Variants in SGCZ observed in about 807,000 individuals in gnomAD.
The protein encoded by SGCZ is sarcoglycan zeta.
Under a neutral mutation model 41.3 loss-of-function variants are expected in SGCZ, and 40 were observed. The ratio of observed to expected loss-of-function variants is 0.97; its 90% CI spans 0.75 to 1.26. SGCZ has a LOEUF of 1.26. SGCZ is among the 50% of genes most tolerant of loss of function. The probability of loss-of-function intolerance (pLI) is 0.00; values close to 1 mark genes in which losing one functional copy is unlikely to be tolerated. For missense variants in SGCZ, 552 were observed against 369.8 expected (o/e 1.49, Z -4.04); for synonymous variants, 206 against 137.5 (o/e 1.50, Z -3.49).
chr8:14,800,022 C>G (rs1210926317), intron 1 of SGCZ, among the ~76,000 whole-genome samples: 2 of 152,158 alleles, frequency 1.3e-5, no homozygotes, highest in African/African-American at 4.8e-5. Context: ...AATTGGTAAA[C>G]CACTGTTTTG....
At chr8:15,129,578 A>G (rs940357072) in intron 1 of SGCZ, among the ~76,000 whole-genome samples, 1 of 152,050 alleles carries the variant, frequency 6.6e-6, no homozygotes, top group Non-Finnish European at 1.5e-5. Flanking sequence ...AGCACTGGAA[A>G]ATGTTTCTTA....
At chr8:15,093,102 T>C (rs1201333020) in intron 1 of SGCZ, among the ~76,000 whole-genome samples, 1 of 152,116 alleles carries the variant, frequency 6.6e-6, no homozygotes, top group Non-Finnish European at 1.5e-5. Flanking sequence ...TCCTTAGTAG[T>C]CCATCAGCTG....
intron 3 of SGCZ, among the ~76,000 whole-genome samples, chr8:14,274,732 C>G (rs1563227885): frequency 6.6e-6 from 1 of 151,612 alleles, no homozygotes; most frequent in Non-Finnish European, 1.5e-5. Flanking sequence ...ATTTTTTTCA[C>G]AAAAAAATTA....
At chr8:14,928,064 T>A (rs1431629850) in intron 1 of SGCZ, among the ~76,000 whole-genome samples, 1 of 152,170 alleles carries the variant, frequency 6.6e-6, no homozygotes, top group East Asian at 1.9e-4. Context: ...TTTATGAAAT[T>A]TTAGGGTGCA....
chr8:14,190,143 G>C (rs913165465), intron 4 of SGCZ, among the ~76,000 whole-genome samples: 1 of 151,366 alleles, frequency 6.6e-6, no homozygotes, highest in African/African-American at 2.4e-5. Flanking sequence ...CTCCTGAGTA[G>C]CTGGGACTAC....
chr8:14,922,001 T>A (rs1438685399), intron 1 of SGCZ, among the ~76,000 whole-genome samples: 2 of 152,146 alleles, frequency 1.3e-5, no homozygotes, highest in African/African-American at 2.4e-5. Flanking sequence ...AATATTCAAA[T>A]CACTTTTTAT....
chr8:15,237,472 T>A, intron 1 of SGCZ, 113 bp downstream of exon 1: 1 of 1,305,508 alleles, frequency 7.7e-7, no homozygotes, highest in Non-Finnish European at 1.1e-6. Flanking sequence ...CGCCCCCTCG[T>A]CGTCCCGCGG....
chr8:14,567,654 G>C (rs1006308730), intron 1 of SGCZ, among the ~76,000 whole-genome samples: 2 of 152,124 alleles, frequency 1.3e-5, no homozygotes, highest in Non-Finnish European at 2.9e-5. Flanking sequence ...TGGAGGGTTT[G>C]TTCTTTCGCT....
intron 1 of SGCZ, among the ~76,000 whole-genome samples, chr8:14,795,078 C>A (rs569054744): frequency 2.0e-5 from 3 of 151,980 alleles, no homozygotes; most frequent in African/African-American, 7.2e-5. Context: ...CAAGAGTTCC[C>A]TAGATAAAGG....
intron 1 of SGCZ, among the ~76,000 whole-genome samples, chr8:14,993,453 C>G (rs375102459): frequency 1.5e-4 from 23 of 151,904 alleles, no homozygotes; most frequent in African/African-American, 5.1e-4. Context: ...CTGGTACTAT[C>G]AAGATAGACC....
At chr8:14,347,882 C>T (rs1456508846) in intron 2 of SGCZ, among the ~76,000 whole-genome samples, 2 of 152,074 alleles carry the variant, frequency 1.3e-5, no homozygotes, top group South Asian at 2.1e-4. Context: ...TAACCAAGTG[C>T]CTCAGCTTTA....
intron 4 of SGCZ, among the ~76,000 whole-genome samples, chr8:14,178,036 C>T (rs1337020330): frequency 7.6e-6 from 1 of 132,396 alleles, no homozygotes; most frequent in Non-Finnish European, 1.5e-5. Flanking sequence ...CGGCTCACTG[C>T]GACCTCTGCC....
intron 1 of SGCZ, among the ~76,000 whole-genome samples, chr8:14,611,200 A>G (rs1805917056): frequency 6.6e-6 from 1 of 152,134 alleles, no homozygotes; most frequent in Non-Finnish European, 1.5e-5. Context: ...GCTCTTCCTC[A>G]ACACTGAGTC....
At chr8:14,126,827 G>A (rs138299416) in intron 5 of SGCZ, among the ~76,000 whole-genome samples, 17 of 152,200 alleles carry the variant, frequency 1.1e-4, no homozygotes, top group Admixed American at 2.0e-4. Context: ...AGATCATGTC[G>A]TTTGCAGGGA....
At chr8:14,478,554 G>A (rs1167338140) in intron 2 of SGCZ, among the ~76,000 whole-genome samples, 1 of 151,994 alleles carries the variant, frequency 6.6e-6, no homozygotes, top group Non-Finnish European at 1.5e-5. Flanking sequence ...AGTAGGTGGA[G>A]CCCAGACGAT....
At chr8:14,483,077 GCTCTAT>G (rs1801578179) in intron 2 of SGCZ, among the ~76,000 whole-genome samples, 1 of 151,850 alleles carries the variant, frequency 6.6e-6, no homozygotes, top group South Asian at 2.1e-4. Context: ...ATTTCCACAG[GCTCTAT>G]CTCTTACCCA....
intron 1 of SGCZ, among the ~76,000 whole-genome samples, chr8:15,044,796 T>A (rs1437365998): frequency 6.6e-6 from 1 of 152,114 alleles, no homozygotes; most frequent in African/African-American, 2.4e-5. Flanking sequence ...ACCTACCTCC[T>A]ACCAAGAGCA....
chr8:15,082,835 T>A (rs1004195935), intron 1 of SGCZ, among the ~76,000 whole-genome samples: 2 of 152,176 alleles, frequency 1.3e-5, no homozygotes, highest in Admixed American at 6.5e-5. Context: ...TGACTTCCTG[T>A]CATATCTAAA....
In SGCZ at chr8:14,087,432, A is replaced by T. The variant is rs1263521172; in HGVS notation, c.*3011T>A. On this transcript the variant is annotated 3_prime_UTR_variant, in exon 8 of 8. Transcript: ENST00000382080. ...ACATCTCGGTTTATCCATTCCTGGC[A>T]AATAACTTAAATGCTAGCAAAACTA... Among the ~76,000 whole-genome samples, 1 of 151,636 alleles carries T rather than the reference A, an allele frequency of 6.6e-6. No individual in the cohort carries two copies. The highest frequency in any genetic ancestry group is 2.4e-5 in the African/African-American group (1 of 41,380).
Sources: gnomAD v4.1 joint callset for allele counts (sites outside exome capture counted in the v4.1 genomes callset) on GRCh38, gnomAD v4.1.1 for gene constraint, MANE v1.5 for transcripts, NCBI Gene and HGNC (gene_info 2026-07-23, HGNC 2026-07-21) for gene names.